Variants in CAST observed in about 807,000 individuals in gnomAD.
CAST encodes the protein MIR583 host.
Under a neutral mutation model 119.6 loss-of-function variants are expected in CAST, and 76 were observed. That is an observed-to-expected ratio of 0.64 (90% CI 0.53 to 0.77). The LOEUF (loss-of-function observed/expected upper bound fraction) is 0.77. Among genes scored for constraint, CAST ranks in the 30% least tolerant of loss-of-function variants. CAST has a pLI of 0.00. For missense variants in CAST, 953 were observed against 946.5 expected, an observed-to-expected ratio of 1.01 and a Z score of -0.09; for synonymous variants, 319 against 331.6, an observed-to-expected ratio of 0.96 and a Z score of 0.41.
At chr5:96,763,002 A>G (rs1768534747) in intron 25 of CAST, 1 of 642,014 alleles carries the variant, frequency 1.6e-6, no homozygotes, top group African/African-American at 1.8e-5. Flanking sequence ...ACCAAATTAT[A>G]CATTACCAAG....
At chr5:96,652,207 C>T (rs1009311896) in intron 1 of CAST, among the ~76,000 whole-genome samples, 13 of 152,324 alleles carry the variant, frequency 8.5e-5, no homozygotes, top group African/African-American at 2.6e-4. Context: ...TCATAGCAAA[C>T]GAGGTCCAGA....
the CAST span, among the ~76,000 whole-genome samples, chr5:95,964,227 G>A: frequency 6.6e-6 from 1 of 152,106 alleles, no homozygotes; most frequent in Non-Finnish European, 1.5e-5. Context: ...TACACATTAC[G>A]CCTGCCTGAA....
the CAST span, among the ~76,000 whole-genome samples, chr5:95,985,661 C>T: frequency 6.6e-6 from 1 of 152,166 alleles, no homozygotes; most frequent in Non-Finnish European, 1.5e-5. Flanking sequence ...GTTTCTTTAA[C>T]CTTTTAAGAT....
chr5:96,624,970 T>C (rs1747690873), intron 1 of CAST, among the ~76,000 whole-genome samples: 1 of 152,200 alleles, frequency 6.6e-6, no homozygotes, highest in Non-Finnish European at 1.5e-5. Context: ...TGCTATTTGT[T>C]GTGTGCAATT....
chr5:96,295,958 T>C, the CAST span, among the ~76,000 whole-genome samples: 2 of 152,204 alleles, frequency 1.3e-5, no homozygotes, highest in Non-Finnish European at 2.9e-5. Flanking sequence ...CTAAATGTGG[T>C]ATTATAGAAG....
Position 96,561,856 on chromosome 5 carries a change from G to C in CAST, c.60+31976G>C, listed in dbSNP as rs572164904. On this transcript the variant is annotated intron_variant, in intron 1 of 11. Transcript: ENST00000505143. The stretch of plus-strand genomic sequence containing the variant: ...CGCCCAGGCTGGAGTGCAGTGGCGC[G>C]ATCTCGGCTCACTGCAAGCTCCGCC... Among the ~76,000 whole-genome samples the C allele has an allele frequency of 1.4e-3, 187 of 129,304 alleles. 1 individual carries two copies. The highest frequency in any genetic ancestry group is 5.1e-3 in the African/African-American group (175 of 34,548). 84.8% of individuals were successfully genotyped at this position (129,304 alleles called of 152,430 possible). A position where few individuals can be genotyped will look rare whatever the true frequency, so the allele number is the denominator to read the frequency against.
the CAST span, among the ~76,000 whole-genome samples, chr5:96,100,107 T>C: frequency 3.3e-5 from 5 of 152,238 alleles, no homozygotes; most frequent in African/African-American, 1.2e-4. Flanking sequence ...AGCCCTGGGC[T>C]AGTGGAATGT....
chr5:96,714,748 C>A (rs538710433), intron 3 of CAST: 1 of 152,202 alleles, frequency 6.6e-6, no homozygotes, highest in East Asian at 1.9e-4. Context: ...CTTTTCTATT[C>A]TTTGATGACT....
At chr5:96,096,032 G>C in the CAST span, among the ~76,000 whole-genome samples, 1 of 152,144 alleles carries the variant, frequency 6.6e-6, no homozygotes, top group Admixed American at 6.5e-5. Flanking sequence ...ACCAGAATGG[G>C]TTATGTGGTA....
intron 3 of CAST, among the ~76,000 whole-genome samples, chr5:96,709,407 A>G (rs1362346130): frequency 6.6e-6 from 1 of 152,206 alleles, no homozygotes; most frequent in Non-Finnish European, 1.5e-5. Flanking sequence ...AGCCTTGCTC[A>G]CCAGAGGACT....
At chr5:96,644,948 C>A (rs901352828) in intron 1 of CAST, among the ~76,000 whole-genome samples, 1 of 152,190 alleles carries the variant, frequency 6.6e-6, no homozygotes, top group Admixed American at 6.5e-5. Flanking sequence ...TGCACTCCAG[C>A]CTGGGTGACA....
chr5:96,146,153 T>A, the CAST span, among the ~76,000 whole-genome samples: 1 of 152,214 alleles, frequency 6.6e-6, no homozygotes, highest in African/African-American at 2.4e-5. Context: ...CAGTTATCTC[T>A]GATCTATATA....
chr5:96,364,947 T>C, the CAST span, among the ~76,000 whole-genome samples: 1 of 152,244 alleles, frequency 6.6e-6, no homozygotes, highest in Non-Finnish European at 1.5e-5. Flanking sequence ...TCCTGCTTTC[T>C]CTTGTGGGCA....
chr5:96,564,562 C>T (rs2150185557), intron 1 of CAST, among the ~76,000 whole-genome samples: 1 of 152,316 alleles, frequency 6.6e-6, no homozygotes, highest in East Asian at 1.9e-4. Flanking sequence ...TTTATGTTAG[C>T]CACAGCTCTG....
At chr5:96,326,695 A>ATTTTTTTTTTTTTT in the CAST span, among the ~76,000 whole-genome samples, 6 of 95,736 alleles carry the variant, frequency 6.3e-5, no homozygotes, top group Non-Finnish European at 7.9e-5. Flanking sequence ...ATGGCTTTTC[A>ATTTTTTTTTTTTTT]TTTTTTTTTT....
chr5:96,738,194 C>T (rs750747093), intron 11 of CAST, among the ~76,000 whole-genome samples: 5 of 152,050 alleles, frequency 3.3e-5, no homozygotes, highest in Admixed American at 6.5e-5. Flanking sequence ...TGGTGGTACA[C>T]GCCTGTAATC....
chr5:96,060,161 A>G, the CAST span, among the ~76,000 whole-genome samples: 2 of 152,156 alleles, frequency 1.3e-5, no homozygotes, highest in Admixed American at 6.6e-5. Flanking sequence ...AGAGGATCAG[A>G]AAGAGTTTGC....
At chr5:96,254,250 A>G in the CAST span, among the ~76,000 whole-genome samples, 2,247 of 152,218 alleles carry the variant, frequency 0.015, 65 homozygotes, top group African/African-American at 0.052. Context: ...TACTTTCTCC[A>G]GGGCACAAAA....
the CAST span, among the ~76,000 whole-genome samples, chr5:96,035,628 A>G: frequency 2.0e-4 from 30 of 151,764 alleles, no homozygotes; most frequent in Non-Finnish European, 3.8e-4. Context: ...AATGGGGGGA[A>G]TTGGGGTGGG....
Sources: gnomAD v4.1 joint callset for allele counts (sites outside exome capture counted in the v4.1 genomes callset) on GRCh38, gnomAD v4.1.1 for gene constraint, MANE v1.5 for transcripts, NCBI Gene and HGNC (gene_info 2026-07-23, HGNC 2026-07-21) for gene names.